MAP4K5: variants seen among roughly 807,000 people sequenced by gnomAD.
The protein encoded by MAP4K5 is mitogen-activated protein kinase kinase kinase kinase 5, also known as MAPK/ERK kinase kinase kinase 5.
A neutral mutation model predicts 135.6 loss-of-function variants in MAP4K5; 82 were observed. The ratio of observed to expected loss-of-function variants is 0.60; its 90% CI spans 0.51 to 0.73. MAP4K5 has a LOEUF of 0.73. MAP4K5 is among the 30% of genes least tolerant of loss of function. MAP4K5 has a pLI of 0.00. For synonymous variants in MAP4K5, 347 were observed against 335.0 expected (o/e 1.04, Z -0.39); for missense variants, 907 against 1,010.9 (o/e 0.90, Z 1.39).
At chr14:50,560,171 C>A in intron 1 of MAP4K5, 1 of 1,470,694 alleles carries the variant, frequency 6.8e-7, no homozygotes, top group South Asian at 1.2e-5. Flanking sequence ...GCGCCCAGCG[C>A]GGGCACGGAG....
intron 1 of MAP4K5, among the ~76,000 whole-genome samples, chr14:50,550,619 A>G (rs887165064): frequency 6.6e-6 from 1 of 152,260 alleles, no homozygotes; most frequent in Admixed American, 6.5e-5. Context: ...TGCCAGTGCA[A>G]TGGAGACTAA....
At chr14:50,512,281 C>T (rs934312820) in intron 2 of MAP4K5, among the ~76,000 whole-genome samples, 25 of 151,912 alleles carry the variant, frequency 1.6e-4, no homozygotes, top group African/African-American at 4.4e-4. Flanking sequence ...ATTTATGAGC[C>T]AATTTTTATT....
At chr14:50,420,346 C>G (rs573043147) in intron 32 of MAP4K5, among the ~76,000 whole-genome samples, 11 of 152,198 alleles carry the variant, frequency 7.2e-5, no homozygotes, top group South Asian at 2.1e-4. Context: ...ACTAAAAAAT[C>G]TGGGCTAGGT....
chr14:50,551,430 G>A (rs978254943), intron 1 of MAP4K5, among the ~76,000 whole-genome samples: 6 of 152,056 alleles, frequency 3.9e-5, no homozygotes, highest in Middle Eastern at 3.4e-3. Context: ...AGTCACAGCC[G>A]AATTGTATCA....
At chr14:50,546,509 G>A (rs1221721874) in intron 1 of MAP4K5, among the ~76,000 whole-genome samples, 1 of 152,108 alleles carries the variant, frequency 6.6e-6, no homozygotes, top group Admixed American at 6.5e-5. Flanking sequence ...GTAAAGTCAA[G>A]TACTTTTTAA....
At position 50,447,391 on chromosome 14, in the gene MAP4K5, TATTAAATTAGAA is replaced by T; in HGVS notation, c.1142+11_1142+22del. The T allele has an allele frequency of 7.1e-7, 1 of 1,412,998 alleles. No homozygotes were observed. The highest frequency in any genetic ancestry group is 9.7e-7 in the Non-Finnish European group (1 of 1,029,890). The allele number at this position is 1,412,998 out of a possible 1,614,324, so 87.5% of individuals were successfully genotyped here. A position where few individuals can be genotyped will look rare whatever the true frequency, so the allele number is the denominator to read the frequency against. ...CTTATGTAATCAAATAAAATATAGT[TATTAAATTAGAA>T]AACAACTTACTTGCCAGTATTTGCA... On this transcript the variant is annotated intron_variant, in intron 16 of 32. Transcript: ENST00000682126.
intron 6 of MAP4K5, among the ~76,000 whole-genome samples, chr14:50,478,048 T>C (rs1480329643): frequency 6.6e-6 from 1 of 152,154 alleles, no homozygotes; most frequent in Middle Eastern, 3.2e-3. Context: ...CTTTCTTATA[T>C]GTCTGGTAGA....
chr14:50,483,730 A>G (rs2037303124), intron 5 of MAP4K5, among the ~76,000 whole-genome samples: 1 of 151,358 alleles, frequency 6.6e-6, no homozygotes, highest in Non-Finnish European at 1.5e-5. Flanking sequence ...AGTTGCAAAA[A>G]AAAAAAAAAA....
At chr14:50,457,393 C>T (rs1053022468) in intron 13 of MAP4K5, among the ~76,000 whole-genome samples, 8 of 152,102 alleles carry the variant, frequency 5.3e-5, no homozygotes, top group African/African-American at 1.7e-4. Context: ...TGTAGTAAGC[C>T]AAGTGAGAAG....
intron 2 of MAP4K5, among the ~76,000 whole-genome samples, chr14:50,517,873 C>T (rs999735719): frequency 1.2e-4 from 18 of 152,302 alleles, no homozygotes; most frequent in Non-Finnish European, 1.2e-4. Flanking sequence ...CTTCATTTTA[C>T]TTTTATTATA....
chr14:50,547,776 G>A (rs565523052), intron 1 of MAP4K5, among the ~76,000 whole-genome samples: 9 of 152,294 alleles, frequency 5.9e-5, no homozygotes, highest in Admixed American at 3.9e-4. Flanking sequence ...GGAAGTGTCC[G>A]TGCTATGATT....
intron 28 of MAP4K5, among the ~76,000 whole-genome samples, chr14:50,429,960 G>C (rs934832489): frequency 3.9e-5 from 6 of 151,986 alleles, no homozygotes; most frequent in African/African-American, 1.4e-4. Flanking sequence ...CAATGGTCTA[G>C]CTGAATCTAA....
intron 2 of MAP4K5, among the ~76,000 whole-genome samples, chr14:50,507,789 A>G (rs890845270): frequency 1.3e-5 from 2 of 152,182 alleles, no homozygotes; most frequent in East Asian, 1.9e-4. Context: ...GTTTTGGAAT[A>G]AGTGCGATGT....
intron 2 of MAP4K5, among the ~76,000 whole-genome samples, chr14:50,513,333 TA>T (rs2037967935): frequency 6.6e-6 from 1 of 152,148 alleles, no homozygotes; most frequent in African/African-American, 2.4e-5. Context: ...GATTTCCACT[TA>T]AACAAACAAA....
rs2036308658 is a variant in MAP4K5 at position 50,444,932 on chromosome 14, T to C, written c.1339+109A>G. 5 of 1,203,368 alleles carry C rather than the reference T, an allele frequency of 4.2e-6. No individual in the cohort carries two copies. In the South Asian group the frequency reaches 5.0e-5, roughly 12 times the overall value. The allele number at this position is 1,203,368 out of a possible 1,614,324, so 74.5% of individuals were successfully genotyped here. ...ATTGACTAAATAAAAAAGATATTTT[T>C]TGAAATAGGAACAAATGACTCTCAT... On this transcript the variant is annotated intron_variant, in intron 18 of 32. Coordinates refer to ENST00000682126, the MANE Select transcript of MAP4K5 (RefSeq NM_006575.6).
intron 3 of MAP4K5, among the ~76,000 whole-genome samples, chr14:50,503,254 C>G (rs1010692063): frequency 6.6e-6 from 1 of 151,806 alleles, no homozygotes; most frequent in Non-Finnish European, 1.5e-5. Flanking sequence ...AATAGGCAAC[C>G]AAAAAAATTT....
chr14:50,476,036 A>G, intron 8 of MAP4K5, 92 bp downstream of exon 8: 2 of 675,424 alleles, frequency 3.0e-6, no homozygotes, highest in Non-Finnish European at 4.9e-6. Context: ...TGAAATCTGC[A>G]TAATGTTAAT....
At chr14:50,520,582 C>G (rs1175195625) in intron 2 of MAP4K5, among the ~76,000 whole-genome samples, 1 of 152,120 alleles carries the variant, frequency 6.6e-6, no homozygotes, top group African/African-American at 2.4e-5. Flanking sequence ...ACAAAACTAG[C>G]TAATGCTACT....
At chr14:50,485,692 TG>T in intron 4 of MAP4K5, 50 bp from the exon 5 acceptor site, 1 of 1,133,776 alleles carries the variant, frequency 8.8e-7, no homozygotes, top group East Asian at 2.6e-5. Context: ...TTTCAATCAC[TG>T]AAATACTCTA....
Sources: gnomAD v4.1 joint callset for allele counts (sites outside exome capture counted in the v4.1 genomes callset) on GRCh38, gnomAD v4.1.1 for gene constraint, MANE v1.5 for transcripts, NCBI Gene and HGNC (gene_info 2026-07-23, HGNC 2026-07-21) for gene names.